POFUT1: variants seen among roughly 807,000 people sequenced by gnomAD.
POFUT1 encodes the protein protein O-fucosyltransferase 1.
A neutral mutation model predicts 42.4 loss-of-function variants in POFUT1; 16 were observed. That is an observed-to-expected ratio of 0.38 (90% CI 0.26 to 0.57). The LOEUF is 0.57. Among genes scored for constraint, POFUT1 ranks in the 20% least tolerant of loss-of-function variants. The pLI, the probability that POFUT1 is intolerant of heterozygous loss-of-function variation, is 0.71. For synonymous variants in POFUT1, 206 were observed against 205.4 expected (o/e 1.00, Z -0.03); for missense variants, 470 against 504.6 (o/e 0.93, Z 0.66).
Position 32,237,611 on chromosome 20 carries a change from G to A in POFUT1, c.*2950G>A, listed in dbSNP as rs906587064. 4.7e-5 allele frequency: 14 copies of A among 300,130 alleles called. No individual in the cohort carries two copies. Among genetic ancestry groups the A allele is most frequent in the Non-Finnish European group, 8.4e-5 (12 of 142,390 alleles). 18.6% of individuals were successfully genotyped at this position (300,130 alleles called of 1,614,324 possible). On this transcript the variant is annotated 3_prime_UTR_variant, in exon 7 of 7. Transcript: ENST00000375749. ...CGAGCTGACATTCTGCAGCCTGGAC[G>A]GCCATGGCAGGAAGCTTTTAGTTGG...
chr20:32,216,913 A>G, intron 4 of POFUT1, 192 bp downstream of exon 4: 1 of 1,568,802 alleles, frequency 6.4e-7, no homozygotes, highest in Non-Finnish European at 8.6e-7. Context: ...TGGAACATTG[A>G]CCCGCCATGA....
chr20:32,233,565 C>T (rs1019614353), intron 6 of POFUT1, among the ~76,000 whole-genome samples: 1 of 152,114 alleles, frequency 6.6e-6, no homozygotes, highest in African/African-American at 2.4e-5. Flanking sequence ...GAGGTTATCT[C>T]GAAAAGTTTC....
chr20:32,216,568 C>A, intron 3 of POFUT1, 41 bp from the exon 4 acceptor site: 1 of 1,320,034 alleles, frequency 7.6e-7, no homozygotes, highest in Non-Finnish European at 1.1e-6. Context: ...AAATGGCTTT[C>A]CCTCCCCATC....
At chr20:32,224,229 TAAAAATAC>T (rs776160081) in intron 4 of POFUT1, among the ~76,000 whole-genome samples, 36 of 152,002 alleles carry the variant, frequency 2.4e-4, no homozygotes, top group Non-Finnish European at 4.3e-4. Context: ...CCGTCTCTAC[TAAAAATAC>T]AAAAATTAGC....
chr20:32,228,837 A>G (rs2047428275), intron 5 of POFUT1, among the ~76,000 whole-genome samples: 1 of 152,250 alleles, frequency 6.6e-6, no homozygotes, highest in African/African-American at 2.4e-5. Flanking sequence ...CTCCCAAGAA[A>G]TGAAGATGTC....
chr20:32,225,423 G>A (rs927629034), intron 4 of POFUT1, among the ~76,000 whole-genome samples: 18 of 152,118 alleles, frequency 1.2e-4, no homozygotes, highest in Non-Finnish European at 2.4e-4. Context: ...TCCCGACCTC[G>A]TGATCCACCT....
rs1433421178 is a variant in POFUT1, at chr20:32,237,519, AG to A, written c.*2859del. ...AGACTGGAGTGTGTTCCTGAAGAGC[AG>A]CCAGGAGGCCAGCATGGCTGGAGAG... On this transcript the variant is annotated 3_prime_UTR_variant, in exon 7 of 7. Transcript: ENST00000375749. 4.4e-6 allele frequency: 1 copy of A among 228,922 alleles called. No individual in the cohort carries two copies. The allele number at this position is 228,922 out of a possible 1,614,324, so 14.2% of individuals were successfully genotyped here.
At chr20:32,215,076 A>C (rs1325143949) in intron 2 of POFUT1, among the ~76,000 whole-genome samples, 193 bp from the exon 3 acceptor site, 1 of 152,166 alleles carries the variant, frequency 6.6e-6, no homozygotes, top group African/African-American at 2.4e-5. Context: ...TTTAGTAAAG[A>C]CAGGGTTTCA....
chr20:32,213,481 A>G (rs896851075), intron 2 of POFUT1, among the ~76,000 whole-genome samples: 2 of 151,180 alleles, frequency 1.3e-5, no homozygotes, highest in African/African-American at 4.9e-5. Context: ...GTAGAAAAAT[A>G]TAAAGATGAG....
chr20:32,212,569 A>T (rs2047335304), intron 2 of POFUT1, among the ~76,000 whole-genome samples: 1 of 151,718 alleles, frequency 6.6e-6, no homozygotes, highest in East Asian at 1.9e-4. Flanking sequence ...CCCTGTAGAA[A>T]TTTTTTTGGT....
intron 2 of POFUT1, among the ~76,000 whole-genome samples, chr20:32,214,405 A>G (rs539181055): frequency 6.6e-6 from 1 of 152,212 alleles, no homozygotes; most frequent in Non-Finnish European, 1.5e-5. Context: ...GATTACAGAC[A>G]TGAGCTACCA....
Position 32,237,764 on chromosome 20 carries a change from C to A in POFUT1, c.*3103C>A, listed in dbSNP as rs762548284. On this transcript the variant is annotated 3_prime_UTR_variant, in exon 7 of 7. Transcript: ENST00000375749. The stretch of plus-strand genomic sequence containing the variant: ...AGAGAAAGGGTGAAAGCAGAGAGAC[C>A]AGTGCAGGGCTGTTAACAGGGTTGC... 1.9e-6 allele frequency: 1 copy of A among 534,366 alleles called. No homozygotes were observed. Among genetic ancestry groups the A allele is most frequent in the Admixed American group, 1.9e-5 (1 of 51,530 alleles). 33.1% of individuals were successfully genotyped at this position (534,366 alleles called of 1,614,324 possible).
In POFUT1 at chr20:32,233,543, A is replaced by G. The variant is rs562081093; in HGVS notation, c.979-930A>G. On this transcript the variant is annotated intron_variant, in intron 6 of 6. Transcript: ENST00000375749. ...AAGGGTGTTCCACTTGGAGGGCGGGAAGGACAGGTGTGAGGTTATCTCGAA... is the reference window on the plus strand; with the variant it reads ...AAGGGTGTTCCACTTGGAGGGCGGGGAGGACAGGTGTGAGGTTATCTCGAA... Among the ~76,000 whole-genome samples, 10 of 152,226 alleles carry G rather than the reference A, an allele frequency of 6.6e-5. No homozygotes were observed. The South Asian group carries it at 2.1e-3, about 32-fold the overall frequency.
At chr20:32,217,326 G>T in intron 4 of POFUT1, 1 of 1,275,596 alleles carries the variant, frequency 7.8e-7, no homozygotes, top group Non-Finnish European at 9.9e-7. Context: ...AATCAGCATA[G>T]TGTACTTGTC....
intron 4 of POFUT1, among the ~76,000 whole-genome samples, chr20:32,227,506 C>T (rs1208140586): frequency 1.3e-5 from 2 of 152,126 alleles, no homozygotes; most frequent in Non-Finnish European, 2.9e-5. Flanking sequence ...TGGGTGACAC[C>T]TGGGTGACAG....
At chr20:32,220,058 G>A (rs942392723) in intron 4 of POFUT1, among the ~76,000 whole-genome samples, 1 of 152,284 alleles carries the variant, frequency 6.6e-6, no homozygotes, top group East Asian at 1.9e-4. Flanking sequence ...GTGGAATCAT[G>A]CAATATTTAT....
At chr20:32,217,453 A>G (rs998361286) in intron 4 of POFUT1, 21 of 1,003,770 alleles carry the variant, frequency 2.1e-5, no homozygotes, top group Non-Finnish European at 2.4e-5. Flanking sequence ...TAATAGGGCA[A>G]AGGTAAACAG....
intron 1 of POFUT1, among the ~76,000 whole-genome samples, chr20:32,208,856 G>A (rs1157356878): frequency 6.6e-6 from 1 of 152,060 alleles, no homozygotes; most frequent in Non-Finnish European, 1.5e-5. Flanking sequence ...AACCCAAAAA[G>A]GGGTAAACAT....
In POFUT1 at chr20:32,208,051, A is replaced by T; in HGVS notation, c.110A>T (p.Tyr37Phe). 1.9e-6 allele frequency: 3 copies of T among 1,561,486 alleles called. No individual in the cohort carries two copies. The highest frequency in any genetic ancestry group is 1.7e-6 in the Non-Finnish European group (2 of 1,157,512). Residue 37 changes from tyrosine to phenylalanine, a missense_variant, in exon 1 of 7, where the codon TAC becomes TTC. Coordinates refer to ENST00000375749, the MANE Select transcript of POFUT1 (RefSeq NM_015352.2). ...TGGGACCCGGCCGGTTACCTGCTCT[A>T]CTGCCCCTGCATGGGTAAGGCCTCC... Reference protein sequence around the residue: ...GSWDPAGYLLYCPCMGRFGNQ... With the variant: ...GSWDPAGYLLFCPCMGRFGNQ...
Sources: gnomAD v4.1 joint callset for allele counts (sites outside exome capture counted in the v4.1 genomes callset) on GRCh38, gnomAD v4.1.1 for gene constraint, MANE v1.5 for transcripts, NCBI Gene and HGNC (gene_info 2026-07-23, HGNC 2026-07-21) for gene names.